Variants in ZNF496 observed in about 807,000 individuals in gnomAD.
The protein encoded by ZNF496 is NSD1 (nuclear receptor binding SET-domain containing 1)-interacting zinc finger protein 1.
Under a neutral mutation model 58.9 loss-of-function variants are expected in ZNF496, and 11 were observed. That is an observed-to-expected ratio of 0.19 (90% confidence interval 0.12 to 0.31). The LOEUF (loss-of-function observed/expected upper bound fraction) is 0.31, where lower values mean the gene tolerates loss of function less well. Among genes scored for constraint, ZNF496 ranks in the 10% least tolerant of loss-of-function variants. The probability of loss-of-function intolerance (pLI) is 1.00; values close to 1 mark genes in which losing one functional copy is unlikely to be tolerated. For synonymous variants in ZNF496, 338 were observed against 318.2 expected (o/e 1.06, Z -0.66); for missense variants, 660 against 783.0 (o/e 0.84, Z 1.88).
chr1:247,322,872 C>A, intron 6 of ZNF496: 1 of 1,069,916 alleles, frequency 9.3e-7, no homozygotes, highest in Non-Finnish European at 1.3e-6. Context: ...GCTGAGAGGC[C>A]CATCAATGGG....
chr1:247,306,978 G>T, intron 9 of ZNF496: 1 of 504,190 alleles, frequency 2.0e-6, no homozygotes, highest in Non-Finnish European at 2.6e-6. Flanking sequence ...GAATCCTGGT[G>T]CAATGTTTAG....
chr1:247,301,421 C>T, intron 9 of ZNF496, 145 bp from the exon 10 acceptor site: 1 of 956,484 alleles, frequency 1.0e-6, no homozygotes, highest in South Asian at 2.3e-5. Context: ...CTGGCCAGCC[C>T]TGCAGGGGCC....
Position 247,300,894 on chromosome 1 carries a change from G to A in ZNF496, c.1389C>T (p.Tyr463=), listed in dbSNP as rs1558434894. The change falls in exon 10 of 10, where the codon TAC becomes TAT. Residue 463 remains tyrosine, a synonymous_variant. Coordinates refer to ENST00000682384, the MANE Select transcript of ZNF496 (RefSeq NM_032752.3). The surrounding 1 kb of genome is among the most constrained non-coding windows in gnomAD (Gnocchi z 5.7). ...HLESHEAQKP[Y]RCGACGKSFR... is the part of the protein sequence containing the mutation. ...AGCTCTTCCCGCAGGCACCACACCGGTAAGGCTTCTGGGCCTCGTGGCTCT... is the reference window on the plus strand; with the variant it reads ...AGCTCTTCCCGCAGGCACCACACCGATAAGGCTTCTGGGCCTCGTGGCTCT... 9 of 1,612,606 alleles carry A rather than the reference G, an allele frequency of 5.6e-6. No homozygotes were observed. The highest frequency in any genetic ancestry group is 7.6e-6 in the Non-Finnish European group (9 of 1,179,148).
At chr1:247,326,435 C>T (rs1660130195) in intron 5 of ZNF496, among the ~76,000 whole-genome samples, 1 of 152,246 alleles carries the variant, frequency 6.6e-6, no homozygotes, top group African/African-American at 2.4e-5. Context: ...TTTCCTAAAG[C>T]CCATCTGTGG....
intron 7 of ZNF496, chr1:247,310,043 A>G (rs1659543076): frequency 7.0e-7 from 1 of 1,428,854 alleles, no homozygotes; most frequent in Admixed American, 2.9e-5. Flanking sequence ...ATAAAGGGAC[A>G]AAACGGTAAG....
chr1:247,312,749 A>T (rs972424211), intron 6 of ZNF496: 6 of 140,436 alleles, frequency 4.3e-5, no homozygotes, highest in African/African-American at 1.6e-4. Context: ...AAAAAAAAAA[A>T]GAAAAAGAAA....
chr1:247,319,079 T>G (rs1268067054), intron 6 of ZNF496, among the ~76,000 whole-genome samples: 2 of 152,236 alleles, frequency 1.3e-5, no homozygotes, highest in African/African-American at 4.8e-5. Flanking sequence ...CCCCCTGGGC[T>G]CAGGCAATCC....
intron 6 of ZNF496, among the ~76,000 whole-genome samples, chr1:247,321,847 T>G (rs1310043227): frequency 6.6e-6 from 1 of 152,254 alleles, no homozygotes; most frequent in African/African-American, 2.4e-5. Context: ...ACACAGCAGA[T>G]GCTGACATGT....
intron 5 of ZNF496, among the ~76,000 whole-genome samples, chr1:247,326,069 TACACAC>T (rs386370384): frequency 6.8e-6 from 1 of 146,546 alleles, no homozygotes; most frequent in African/African-American, 2.6e-5. Context: ...CACACATATA[TACACAC>T]ACACACACAT....
At chr1:247,305,411 T>C (rs536394501) in intron 9 of ZNF496, among the ~76,000 whole-genome samples, 2 of 152,350 alleles carry the variant, frequency 1.3e-5, no homozygotes, top group South Asian at 2.1e-4. Context: ...AAAAGTGAAA[T>C]TGCCCAAGGT....
intron 6 of ZNF496, among the ~76,000 whole-genome samples, chr1:247,321,956 C>T (rs1056634838): frequency 2.6e-5 from 4 of 152,176 alleles, no homozygotes; most frequent in African/African-American, 9.7e-5. Context: ...TGGCTAACTC[C>T]TTCCCATCCC....
In ZNF496 at chr1:247,323,140, T is replaced by C. The variant is rs761622047; in HGVS notation, c.651+14A>G. 1.9e-6 allele frequency: 3 copies of C among 1,611,558 alleles called. No individual in the cohort carries two copies. Among genetic ancestry groups the C allele is most frequent in the Non-Finnish European group, 1.7e-6 (2 of 1,178,006 alleles). ...AACAGGGGATTTTCAAGGACTCCTGTAGAAACCACTCACCGGGGGTAGCTG... is the reference window on the plus strand; with the variant it reads ...AACAGGGGATTTTCAAGGACTCCTGCAGAAACCACTCACCGGGGGTAGCTG... On this transcript the variant is annotated intron_variant, in intron 6 of 9. Transcript: ENST00000682384.
At position 247,329,078 on chromosome 1, in the gene ZNF496, G is replaced by C. The variant is rs1660231318; in HGVS notation, c.390+111C>G. 5 of 1,550,342 alleles carry C rather than the reference G, an allele frequency of 3.2e-6. No individual in the cohort carries two copies. The Admixed American group carries it at 5.5e-5, about 17-fold the overall frequency. On this transcript the variant is annotated intron_variant, in intron 4 of 9. Transcript: ENST00000682384. This position sits in a 1 kb window ranked among gnomAD's most constrained non-coding sequence, Gnocchi z 5.5. ...AAACTCTAGTCTGGACCTAACCAAA[G>C]TAAATGGCTCTCGATGGAACTCCTC...
chr1:247,315,946 G>A (rs113851801), intron 6 of ZNF496, among the ~76,000 whole-genome samples: 209 of 152,202 alleles, frequency 1.4e-3, no homozygotes, highest in Non-Finnish European at 2.1e-3. Flanking sequence ...AGGTCAGTGT[G>A]GAAAAGCCTG....
chr1:247,316,135 G>GGTGGGTGT (rs1553270762), intron 6 of ZNF496, among the ~76,000 whole-genome samples: 16 of 139,926 alleles, frequency 1.1e-4, no homozygotes, highest in Admixed American at 1.4e-4. Context: ...CTGGGAGAGG[G>GGTGGGTGT]GTGTGTGTGT....
At position 247,308,562 on chromosome 1, in the gene ZNF496, C is replaced by A; in HGVS notation, c.919G>T (p.Val307Leu). 6.2e-7 allele frequency: 1 copy of A among 1,614,116 alleles called. No homozygotes were observed. The highest frequency in any genetic ancestry group is 1.1e-5 in the South Asian group (1 of 91,080). ...TCCTCACGTTTCCTTCTTTCTTCTACCTGGAATGGCTGGAGACTTGGAGAG... is the reference window on the plus strand; with the variant it reads ...TCCTCACGTTTCCTTCTTTCTTCTAACTGGAATGGCTGGAGACTTGGAGAG... ...LDSPSLQPFQ[V>L]EERRKREELQ... The change falls in exon 9 of 10, where the codon GTA (valine) becomes TTA (leucine). Residue 307 changes from valine to leucine, a missense_variant. Transcript: ENST00000682384. This position sits in a 1 kb window ranked among gnomAD's most constrained non-coding sequence, Gnocchi z 4.5.
intron 5 of ZNF496, among the ~76,000 whole-genome samples, chr1:247,326,687 A>G (rs1417884824): frequency 2.0e-5 from 3 of 152,058 alleles, no homozygotes; most frequent in African/African-American, 7.2e-5. Context: ...TGAAGCCCTA[A>G]CCCTTAGGTA....
intron 9 of ZNF496, chr1:247,307,744 G>C: frequency 1.0e-6 from 1 of 985,436 alleles, no homozygotes; most frequent in Non-Finnish European, 1.2e-6. Context: ...TAATATGTGT[G>C]AGTTGGTCTC....
At chr1:247,314,249 G>A (rs944198758) in intron 6 of ZNF496, among the ~76,000 whole-genome samples, 2 of 151,908 alleles carry the variant, frequency 1.3e-5, no homozygotes, top group Non-Finnish European at 2.9e-5. Context: ...TAAAGATGAG[G>A]TCTTGCTATG....
Sources: allele counts gnomAD v4.1 joint callset (sites outside exome capture counted in the v4.1 genomes callset), GRCh38; gene constraint gnomAD v4.1.1; non-coding constraint Gnocchi (gnomAD v3.1); transcripts MANE v1.5; gene names NCBI Gene and HGNC (gene_info 2026-07-23, HGNC 2026-07-21).